NBEA: variants seen among roughly 807,000 people sequenced by gnomAD.
The protein encoded by NBEA is neurobeachin.
Under a neutral mutation model 343.4 loss-of-function variants are expected in NBEA, and 44 were observed. The observed-to-expected ratio is 0.13, with a 90% CI of 0.10 to 0.16. The LOEUF is 0.16. Ranked by LOEUF, NBEA falls within the 10% of genes least tolerant of loss-of-function variation. The pLI is 1.00. For synonymous variants in NBEA, 1,175 were observed against 1,238.7 expected (o/e 0.95, Z 1.08); for missense variants, 2,555 against 3,631.3 (o/e 0.70, Z 7.62).
At chr13:35,273,169 C>A (rs984663768) in intron 34 of NBEA, among the ~76,000 whole-genome samples, 1 of 152,120 alleles carries the variant, frequency 6.6e-6, no homozygotes, top group African/African-American at 2.4e-5. Flanking sequence ...GACCACAGTG[C>A]AATCAAATTA....
intron 1 of NBEA, among the ~76,000 whole-genome samples, chr13:34,954,973 A>G (rs2059449436): frequency 6.6e-6 from 1 of 152,110 alleles, no homozygotes; most frequent in East Asian, 1.9e-4. Context: ...AGTTTTCTGG[A>G]TATTTGAGAC....
chr13:35,292,994 G>A (rs554058276), intron 35 of NBEA, among the ~76,000 whole-genome samples: 13 of 151,906 alleles, frequency 8.6e-5, no homozygotes, highest in African/African-American at 3.1e-4. Context: ...CACATTAGAT[G>A]GCTTTTATTT....
intron 39 of NBEA, among the ~76,000 whole-genome samples, chr13:35,449,627 A>G (rs920377591): frequency 6.6e-6 from 1 of 152,218 alleles, no homozygotes; most frequent in Non-Finnish European, 1.5e-5. Context: ...AACAAGTTAT[A>G]AAGATAGCTA....
At chr13:35,613,608 TTTTGTTTG>T (rs139946725) in intron 48 of NBEA, among the ~76,000 whole-genome samples, 78 of 150,954 alleles carry the variant, frequency 5.2e-4, no homozygotes, top group East Asian at 1.6e-3. Context: ...TTTTAGTTGT[TTTTGTTTG>T]TTTGTTTGTT....
intron 38 of NBEA, among the ~76,000 whole-genome samples, chr13:35,354,413 T>C (rs2040379082): frequency 6.6e-6 from 1 of 152,194 alleles, no homozygotes; most frequent in East Asian, 1.9e-4. Flanking sequence ...TTTCCTTATG[T>C]AATTAGAATA....
chr13:35,597,950 C>T (rs994356941), intron 47 of NBEA, among the ~76,000 whole-genome samples: 6 of 152,150 alleles, frequency 3.9e-5, no homozygotes, highest in African/African-American at 1.4e-4. Context: ...TGCCCACCTT[C>T]GGAGACAGTC....
intron 1 of NBEA, among the ~76,000 whole-genome samples, chr13:34,964,638 G>C (rs1661308018): frequency 6.6e-6 from 1 of 151,994 alleles, no homozygotes; most frequent in Non-Finnish European, 1.5e-5. Flanking sequence ...CCAAAAAGGA[G>C]TTGTTTACAG....
At chr13:35,111,096 T>A in intron 13 of NBEA, 118 bp downstream of exon 13, 2 of 775,858 alleles carry the variant, frequency 2.6e-6, no homozygotes, top group Non-Finnish European at 3.6e-6. Context: ...CTTTCTTATA[T>A]AGCAAACTGG....
At chr13:35,143,723 G>C (rs2068225135) in intron 18 of NBEA, among the ~76,000 whole-genome samples, 1 of 152,036 alleles carries the variant, frequency 6.6e-6, no homozygotes, top group Non-Finnish European at 1.5e-5. Flanking sequence ...GAATGGAATT[G>C]TACTATAATT....
At chr13:35,579,151 G>T (rs551388337) in intron 45 of NBEA, among the ~76,000 whole-genome samples, 1 of 152,044 alleles carries the variant, frequency 6.6e-6, no homozygotes, top group Non-Finnish European at 1.5e-5. Flanking sequence ...TGATATATTA[G>T]AATTCAGTGT....
intron 36 of NBEA, among the ~76,000 whole-genome samples, chr13:35,309,904 C>T (rs980950879): frequency 6.6e-5 from 10 of 152,130 alleles, no homozygotes; most frequent in Non-Finnish European, 1.3e-4. Context: ...TCTGCCACTC[C>T]ATCTGTTTTC....
intron 40 of NBEA, among the ~76,000 whole-genome samples, chr13:35,454,102 G>C (rs1237290805): frequency 6.6e-6 from 1 of 152,046 alleles, no homozygotes; most frequent in Non-Finnish European, 1.5e-5. Context: ...CTAAAGTATT[G>C]ATCCTCTGCC....
rs1388063525 is a variant in NBEA at position 35,070,081 on chromosome 13, T to C, written c.1413T>C (p.His471=). The C allele has an allele frequency of 6.3e-7, 1 of 1,596,920 alleles. No individual in the cohort carries two copies. Among genetic ancestry groups the C allele is most frequent in the South Asian group, 1.1e-5 (1 of 88,738 alleles). Residue 471 remains histidine (H), a synonymous_variant, in exon 9 of 59, where the codon CAT becomes CAC. Coordinates refer to ENST00000379939, the MANE Select transcript of NBEA (RefSeq NM_001385012.1). ...SPKENASIFV[H]SPHALMLQDV... The stretch of plus-strand genomic sequence containing the variant: ...AAGAGAATGCATCAATTTTTGTGCA[T>C]TCCCCACATGCTCTAATGCTTCAGG...
chr13:35,590,365 G>A (rs142547857), intron 46 of NBEA, among the ~76,000 whole-genome samples: 48 of 152,194 alleles, frequency 3.2e-4, no homozygotes, highest in African/African-American at 1.2e-3. Context: ...AATGTAATAT[G>A]TGACCTTAAG....
At chr13:34,966,985 G>T (rs1352957630) in intron 1 of NBEA, among the ~76,000 whole-genome samples, 1 of 141,958 alleles carries the variant, frequency 7.0e-6, no homozygotes. Flanking sequence ...CTCATAACAA[G>T]ACTTTCTTGA....
chr13:35,555,653 A>G (rs570148811), intron 44 of NBEA, among the ~76,000 whole-genome samples: 2 of 152,202 alleles, frequency 1.3e-5, no homozygotes, highest in Middle Eastern at 3.4e-3. Context: ...CTGCTAAATC[A>G]GTGGTTGTCA....
intron 41 of NBEA, among the ~76,000 whole-genome samples, chr13:35,483,214 AAT>A (rs1363078762): frequency 6.6e-6 from 1 of 151,932 alleles, no homozygotes; most frequent in Non-Finnish European, 1.5e-5. Flanking sequence ...AGCTAACATG[AAT>A]ATATGTGTTA....
At position 34,942,835 on chromosome 13, in the gene NBEA, G is replaced by A; in HGVS notation, c.15G>A (p.Lys5=). The A allele has an allele frequency of 7.3e-7, 1 of 1,365,274 alleles. No homozygotes were observed. Among genetic ancestry groups the A allele is most frequent in the South Asian group, 1.6e-5 (1 of 61,614 alleles). The allele number at this position is 1,365,274 out of a possible 1,614,324, so 84.6% of individuals were successfully genotyped here. A position where few individuals can be genotyped will look rare whatever the true frequency, so the allele number is the denominator to read the frequency against. Residue 5 remains lysine, a synonymous_variant, in exon 1 of 59, where the codon AAG becomes AAA. Coordinates refer to ENST00000379939, the MANE Select transcript of NBEA (RefSeq NM_001385012.1). ...GAGGGGGGCCAATGGCTAGCGAGAAGCCGGGCCCGGGCCCGGGGCTCGAGC... is the reference window on the plus strand; with the variant it reads ...GAGGGGGGCCAATGGCTAGCGAGAAACCGGGCCCGGGCCCGGGGCTCGAGC... MASE[K]PGPGPGLEPQ...
At position 35,472,583 on chromosome 13, in the gene NBEA, GA is replaced by G. The variant is rs1566184324; in HGVS notation, c.6585+49del. ...TACAGTATTGGTGGCTTTGTGGCAGGAAGTGGTTTTCAATTTTGTTTGGTTT... is the reference window on the plus strand; with the variant it reads ...TACAGTATTGGTGGCTTTGTGGCAGGAGTGGTTTTCAATTTTGTTTGGTTT... On this transcript the variant is annotated intron_variant, in intron 41 of 58. Transcript: ENST00000379939. 6 of 1,612,084 alleles carry G rather than the reference GA, an allele frequency of 3.7e-6. No individual in the cohort carries two copies. In the South Asian group the frequency reaches 4.4e-5, roughly 12 times the overall value.
Sources: allele counts gnomAD v4.1 joint callset (sites outside exome capture counted in the v4.1 genomes callset), GRCh38; gene constraint gnomAD v4.1.1; transcripts MANE v1.5; gene names NCBI Gene and HGNC (gene_info 2026-07-23, HGNC 2026-07-21).